The following SHROOM4 variants were observed in gnomAD, a reference collection of about 807,000 sequenced individuals.
SHROOM4 encodes the protein protein Shroom4.
SHROOM4 carries 17 observed loss-of-function variants against 80.3 expected under a neutral mutation model. That is an observed-to-expected ratio of 0.21 (90% CI 0.14 to 0.32). SHROOM4 has a LOEUF of 0.32. Ranked by LOEUF, SHROOM4 falls within the 10% of genes least tolerant of loss-of-function variation. The pLI is 1.00. For synonymous variants in SHROOM4, 400 were observed against 437.5 expected (o/e 0.91, Z 1.07); for missense variants, 993 against 1,140.3 (o/e 0.87, Z 1.86).
Position 50,812,732 on chromosome X carries a change from C to A in SHROOM4, c.117+1170G>T, listed in dbSNP as rs1444611125. Among the ~76,000 whole-genome samples, 5 of 94,258 alleles carry A rather than the reference C, an allele frequency of 5.3e-5. No homozygotes were observed. In the Admixed American group the frequency reaches 6.3e-4, roughly 12 times the overall value. The allele number at this position is 94,258 out of a possible 115,157, so 81.9% of individuals were successfully genotyped here. A position where few individuals can be genotyped will look rare whatever the true frequency, so the allele number is the denominator to read the frequency against. ...TGCTGAACCCTCTGCTGAGATGTGA[C>A]CAATGTTGAACCCCACCCCCCCGCA... is the stretch of plus-strand genomic sequence containing the variant. On this transcript the variant is annotated intron_variant, in intron 1 of 8. Coordinates refer to ENST00000376020, the MANE Select transcript of SHROOM4 (RefSeq NM_020717.5).
intron 1 of SHROOM4, among the ~76,000 whole-genome samples, chrX:50,749,343 C>T (rs1389129337): frequency 8.9e-6 from 1 of 112,309 alleles, no homozygotes; most frequent in Admixed American, 9.4e-5. Context: ...ATAAGTCAGT[C>T]ACTCACTCAT....
At chrX:50,722,261 G>A in intron 1 of SHROOM4, among the ~76,000 whole-genome samples, 1 of 108,986 alleles carries the variant, frequency 9.2e-6, no homozygotes, top group Non-Finnish European at 1.9e-5. Context: ...AATCTAGTAT[G>A]GGGGCCCACA....
chrX:50,665,458 T>G (rs1394887839), intron 2 of SHROOM4, among the ~76,000 whole-genome samples: 2 of 111,029 alleles, frequency 1.8e-5, no homozygotes, highest in African/African-American at 6.6e-5. Context: ...ACAACTTGAT[T>G]TTTAAACTCA....
At chrX:50,576,667 T>C in the SHROOM4 span, among the ~76,000 whole-genome samples, 1 of 111,344 alleles carries the variant, frequency 9.0e-6, no homozygotes, top group African/African-American at 3.3e-5. Context: ...CATTTCTCTG[T>C]TTTATTTTTC....
At chrX:50,719,499 T>C (rs1309293459) in intron 1 of SHROOM4, among the ~76,000 whole-genome samples, 1 of 112,023 alleles carries the variant, frequency 8.9e-6, no homozygotes, top group African/African-American at 3.2e-5. Flanking sequence ...CTGGTAACTA[T>C]AGTTCAGTAA....
At chrX:50,651,857 T>C (rs1025388513) in intron 2 of SHROOM4, among the ~76,000 whole-genome samples, 1 of 110,853 alleles carries the variant, frequency 9.0e-6, no homozygotes, top group Admixed American at 9.6e-5. Context: ...CCTGTGTTAG[T>C]TTACCTAGAA....
chrX:50,687,905 G>A (rs782113664), intron 2 of SHROOM4, among the ~76,000 whole-genome samples: 94 of 109,212 alleles, frequency 8.6e-4, no homozygotes, highest in African/African-American at 2.6e-3. Flanking sequence ...ACATAAGGAT[G>A]TGTAAAAAAA....
At chrX:50,775,301 C>T (rs1935480950) in intron 1 of SHROOM4, among the ~76,000 whole-genome samples, 1 of 111,740 alleles carries the variant, frequency 8.9e-6, no homozygotes, top group African/African-American at 3.3e-5. Flanking sequence ...ATCTAAAGGG[C>T]TCTTTCCACT....
At chrX:50,716,538 C>G (rs1431332050) in intron 1 of SHROOM4, among the ~76,000 whole-genome samples, 1 of 111,169 alleles carries the variant, frequency 9.0e-6, no homozygotes. Context: ...TGTGACTTAC[C>G]AAATGTCTTC....
At chrX:50,778,363 C>T (rs1030229062) in intron 1 of SHROOM4, among the ~76,000 whole-genome samples, 3 of 112,068 alleles carry the variant, frequency 2.7e-5, no homozygotes, top group Non-Finnish European at 5.6e-5. Context: ...TGGTAAGTGG[C>T]AATGTGGCAC....
intron 6 of SHROOM4, among the ~76,000 whole-genome samples, chrX:50,606,231 C>T (rs1381344724): frequency 1.0e-5 from 1 of 99,418 alleles, no homozygotes; most frequent in African/African-American, 4.0e-5. Context: ...TCCCTCCCCC[C>T]TCCCCCCCTC....
intron 1 of SHROOM4, among the ~76,000 whole-genome samples, chrX:50,740,252 C>A (rs1173310761): frequency 2.8e-5 from 3 of 105,420 alleles, no homozygotes; most frequent in Non-Finnish European, 5.8e-5. Flanking sequence ...ATGGGTGCAG[C>A]ACACCAACAT....
At chrX:50,702,899 C>T (rs1171800284) in intron 1 of SHROOM4, among the ~76,000 whole-genome samples, 3 of 111,271 alleles carry the variant, frequency 2.7e-5, no homozygotes, top group East Asian at 5.7e-4. Flanking sequence ...GGAATTCTCA[C>T]GAGACCTGAT....
At position 50,795,105 on chromosome X, in the gene SHROOM4, T is replaced by TG. The variant is rs1569549150; in HGVS notation, c.117+18796_117+18797insC. Among the ~76,000 whole-genome samples, 24 of 50,992 alleles carry TG rather than the reference T, an allele frequency of 4.7e-4. 3 individuals carry two copies. The highest frequency in any genetic ancestry group is 2.2e-3 in the African/African-American group (24 of 10,751). The allele number at this position is 50,992 out of a possible 115,157, so 44.3% of individuals were successfully genotyped here. The stretch of plus-strand genomic sequence containing the variant: ...ATATATATGATATATATATATGATA[T>TG]ATATATATGATATATATATATGATA... On this transcript the variant is annotated intron_variant, in intron 1 of 8. Coordinates refer to ENST00000376020, the MANE Select transcript of SHROOM4 (RefSeq NM_020717.5).
intron 2 of SHROOM4, among the ~76,000 whole-genome samples, chrX:50,653,621 A>G (rs367765975): frequency 2.7e-5 from 3 of 111,640 alleles, no homozygotes; most frequent in African/African-American, 9.8e-5. Context: ...GAGTGGTGAG[A>G]GAGGCCATCC....
intron 7 of SHROOM4, among the ~76,000 whole-genome samples, chrX:50,602,273 G>A (rs1476314981): frequency 9.1e-6 from 1 of 110,107 alleles, no homozygotes; most frequent in Non-Finnish European, 1.9e-5. Flanking sequence ...TGTATTTTTA[G>A]TAGAGACGGG....
chrX:50,724,876 G>C (rs1457110357), intron 1 of SHROOM4, among the ~76,000 whole-genome samples: 1 of 111,535 alleles, frequency 9.0e-6, no homozygotes, highest in Non-Finnish European at 1.9e-5. Flanking sequence ...TTATGTCTTT[G>C]GTATTGTATA....
chrX:50,686,824 C>G (rs1171877623), intron 2 of SHROOM4, among the ~76,000 whole-genome samples: 4 of 111,543 alleles, frequency 3.6e-5, no homozygotes, highest in Middle Eastern at 4.7e-3. Flanking sequence ...GGGAATGTGT[C>G]TATGTTATTC....
chrX:50,742,113 C>G (rs1389360540), intron 1 of SHROOM4, among the ~76,000 whole-genome samples: 1 of 110,722 alleles, frequency 9.0e-6, no homozygotes, highest in Non-Finnish European at 1.9e-5. Flanking sequence ...AAATTACTCT[C>G]TGGTTTCATT....
Sources: allele counts gnomAD v4.1 joint callset (sites outside exome capture counted in the v4.1 genomes callset), GRCh38; gene constraint gnomAD v4.1.1; transcripts MANE v1.5; gene names NCBI Gene and HGNC (gene_info 2026-07-23, HGNC 2026-07-21).